Variants in UNC45B observed in about 807,000 individuals in gnomAD.
The protein encoded by UNC45B is protein unc-45 homolog B.
A neutral mutation model predicts 98.7 loss-of-function variants in UNC45B; 78 were observed. That is an observed-to-expected ratio of 0.79 (90% CI 0.66 to 0.95). The LOEUF is 0.95. Among genes scored for constraint, UNC45B ranks in the 40% least tolerant of loss-of-function variants. The pLI is 0.00. For missense variants in UNC45B, 1,225 were observed against 1,184.9 expected, an observed-to-expected ratio of 1.03 and a Z score of -0.50; for synonymous variants, 462 against 480.4, an observed-to-expected ratio of 0.96 and a Z score of 0.50.
At chr17:35,181,612 A>G (rs7226291) in intron 18 of UNC45B, among the ~76,000 whole-genome samples, 84,562 of 151,790 alleles carry the variant, frequency 0.56, 24,296 homozygotes, top group East Asian at 0.7. Flanking sequence ...CCAACATGGC[A>G]AAACCCTGTC....
At chr17:35,153,272 G>A (rs1597906110) in intron 5 of UNC45B, among the ~76,000 whole-genome samples, 3 of 152,134 alleles carry the variant, frequency 2.0e-5, no homozygotes, top group Admixed American at 6.5e-5. Context: ...TAAAAATATA[G>A]CATTGATTAT....
rs1188229374 is a variant in UNC45B, at chr17:35,177,075, C to T, written c.2084C>T (p.Ala695Val). The stretch of plus-strand genomic sequence containing the variant: ...GTGGGCAAGGTGAAGGCAGCCCACG[C>T]TCTAGCAAAGATCGCTGCTGTCTCC... ...TDVGKVKAAH[A>V]LAKIAAVSNP... The change falls in exon 16 of 20, where the codon GCT (alanine) becomes GTT (valine). Residue 695 changes from alanine to valine, a missense_variant. Transcript: ENST00000394570. 14 of 1,614,124 alleles carry T rather than the reference C, an allele frequency of 8.7e-6. No individual in the cohort carries two copies. The highest frequency in any genetic ancestry group is 1.2e-5 in the Non-Finnish European group (14 of 1,180,056).
intron 7 of UNC45B, 39 bp from the exon 8 acceptor site, chr17:35,159,336 C>T (rs1597912033): frequency 2.5e-6 from 4 of 1,575,852 alleles, no homozygotes; most frequent in African/African-American, 1.4e-5. Context: ...TGTGAGATTT[C>T]CTACCCCTCT....
rs1347569749 is a variant in UNC45B at position 35,171,414 on chromosome 17, C to T, written c.1782C>T (p.Val594=). The change falls in exon 13 of 20, where the codon GTC becomes GTT. Residue 594 remains valine (V), a synonymous_variant. Transcript: ENST00000394570. ...YDVKEVIPEL[V]QLAKFSKQHV... is the part of the protein sequence containing the mutation. ...TCAAGGAGGTCATCCCAGAGCTTGT[C>T]CAGCTCGCCAAGTTCTCCAAGCAGC... 1 of 1,614,044 alleles carries T rather than the reference C, an allele frequency of 6.2e-7. No homozygotes were observed. Among genetic ancestry groups the T allele is most frequent in the Non-Finnish European group, 8.5e-7 (1 of 1,180,030 alleles).
intron 5 of UNC45B, among the ~76,000 whole-genome samples, chr17:35,153,362 G>A (rs763897498): frequency 2.0e-5 from 3 of 151,878 alleles, no homozygotes; most frequent in South Asian, 2.1e-4. Context: ...CTATAATTTC[G>A]GCCCTAAGAA....
At chr17:35,169,184 T>C (rs562622057) in intron 10 of UNC45B, among the ~76,000 whole-genome samples, 22 of 151,728 alleles carry the variant, frequency 1.4e-4, no homozygotes, top group Non-Finnish European at 2.1e-4. Context: ...GGATTACAGA[T>C]GCCTGCCACC....
At chr17:35,150,657 G>T (rs1597903555) in intron 4 of UNC45B, among the ~76,000 whole-genome samples, 1 of 152,154 alleles carries the variant, frequency 6.6e-6, no homozygotes, top group Non-Finnish European at 1.5e-5. Context: ...GCTGAGGCAG[G>T]ATAATTGTTT....
chr17:35,186,097 C>G (rs2092301728), intron 19 of UNC45B, among the ~76,000 whole-genome samples: 1 of 152,156 alleles, frequency 6.6e-6, no homozygotes, highest in African/African-American at 2.4e-5. Context: ...GATTACTAGT[C>G]TAGTCCCTTG....
intron 7 of UNC45B, 24 bp downstream of exon 7, chr17:35,155,488 A>G: frequency 6.2e-7 from 1 of 1,610,358 alleles, no homozygotes; most frequent in Non-Finnish European, 8.5e-7. Flanking sequence ...TTCAGTTTTG[A>G]TTCAAGGGGA....
At chr17:35,167,811 G>A (rs538104576) in intron 9 of UNC45B, among the ~76,000 whole-genome samples, 2 of 151,950 alleles carry the variant, frequency 1.3e-5, no homozygotes, top group Admixed American at 1.3e-4. Context: ...GAGTCAGAGT[G>A]TATTTCCCAG....
intron 10 of UNC45B, among the ~76,000 whole-genome samples, 174 bp downstream of exon 10, chr17:35,168,535 A>T (rs1256084037): frequency 6.6e-6 from 1 of 152,110 alleles, no homozygotes; most frequent in African/African-American, 2.4e-5. Context: ...GCTTGTGAGG[A>T]TGTAGATTCA....
intron 8 of UNC45B, among the ~76,000 whole-genome samples, chr17:35,161,209 C>T (rs893160537): frequency 1.3e-5 from 2 of 152,172 alleles, no homozygotes; most frequent in Non-Finnish European, 2.9e-5. Context: ...TTATTCTGTT[C>T]TTTTTGTAAA....
rs563951604 is a variant in UNC45B at position 35,171,781 on chromosome 17, C to A, written c.1830+319C>A. Among the ~76,000 whole-genome samples the A allele has an allele frequency of 1.2e-4, 18 of 152,300 alleles. 1 individual carries two copies. Among genetic ancestry groups the A allele is most frequent in the Admixed American group, 7.2e-4 (11 of 15,302 alleles). ...AGACAGTTTTATTTCATGTCTCCAA[C>A]AGATAACAATTTGATTTTCTCAGAT... On this transcript the variant is annotated intron_variant, in intron 13 of 19. Coordinates refer to ENST00000394570, the MANE Select transcript of UNC45B (RefSeq NM_001267052.2).
chr17:35,148,421 G>A lies in UNC45B; in HGVS notation c.158G>A (p.Gly53Asp). ...CTTTATCGGAACCGGGCAGCCTGTG[G>A]CCTGAAAACGGTCTGGGGCAGGGCA... is the stretch of plus-strand genomic sequence containing the variant. ...ATLYRNRAACGLKTESYVQAA... is the reference protein window; with the variant it reads ...ATLYRNRAACDLKTESYVQAA... The change falls in exon 2 of 20, where the codon GGC (glycine) becomes GAC (aspartate). Residue 53 changes from glycine (G) to aspartate (D), a missense_variant. Physicochemically the swap from Gly to Asp is moderately conservative, Grantham distance 94 (BLOSUM62 -1). Transcript: ENST00000394570. The A allele has an allele frequency of 6.2e-7, 1 of 1,613,810 alleles. No homozygotes were observed. The highest frequency in any genetic ancestry group is 1.1e-5 in the South Asian group (1 of 91,088).
chr17:35,182,553 A>G (rs1252861790), intron 18 of UNC45B, among the ~76,000 whole-genome samples: 1 of 152,100 alleles, frequency 6.6e-6, no homozygotes, highest in African/African-American at 2.4e-5. Context: ...CTCATGTTCC[A>G]TCTATGAGAA....
chr17:35,165,795 C>T (rs892979362), intron 9 of UNC45B, among the ~76,000 whole-genome samples: 4 of 151,868 alleles, frequency 2.6e-5, no homozygotes, highest in Non-Finnish European at 5.9e-5. Context: ...AAAAATTAGC[C>T]GAGTATGGTG....
At chr17:35,178,703 G>A (rs1306534548) in intron 17 of UNC45B, among the ~76,000 whole-genome samples, 16 of 152,122 alleles carry the variant, frequency 1.1e-4, no homozygotes, top group African/African-American at 3.9e-4. Flanking sequence ...TCCATCTTGA[G>A]TTAATTTTTG....
At chr17:35,176,964 C>A in intron 15 of UNC45B, 53 bp from the exon 16 acceptor site, 1 of 1,450,922 alleles carries the variant, frequency 6.9e-7, no homozygotes, top group Non-Finnish European at 9.6e-7. Context: ...GGAGGATAGG[C>A]GAGAAGCCTC....
intron 8 of UNC45B, among the ~76,000 whole-genome samples, chr17:35,160,008 G>T (rs574025272): frequency 1.3e-5 from 2 of 152,172 alleles, no homozygotes; most frequent in Non-Finnish European, 2.9e-5. Flanking sequence ...GACATGCCCC[G>T]CAGAGAGGAA....
Sources: allele counts gnomAD v4.1 joint callset (sites outside exome capture counted in the v4.1 genomes callset), GRCh38; gene constraint gnomAD v4.1.1; transcripts MANE v1.5; gene names NCBI Gene and HGNC (gene_info 2026-07-23, HGNC 2026-07-21).